DAB1: variants seen among roughly 807,000 people sequenced by gnomAD.
DAB1 encodes the protein DAB adaptor protein 1, also known as disabled homolog 1.
DAB1 carries 15 observed loss-of-function variants against 64.6 expected under a neutral mutation model. That is an observed-to-expected ratio of 0.23 (90% CI 0.16 to 0.36). DAB1 has a LOEUF of 0.36. DAB1 is among the 10% of genes least tolerant of loss of function. The pLI is 1.00. For missense variants in DAB1, 596 were observed against 706.7 expected (o/e 0.84, Z 1.78); for synonymous variants, 235 against 251.9 (o/e 0.93, Z 0.64).
chr1:57,626,367 G>A (rs1645923621), intron 7 of DAB1, among the ~76,000 whole-genome samples: 1 of 152,216 alleles, frequency 6.6e-6, no homozygotes, highest in African/African-American at 2.4e-5. Flanking sequence ...ATTACTAGAA[G>A]ATGACCATAC....
At chr1:58,478,409 GGTAA>G (rs1645441005) in intron 3 of DAB1, among the ~76,000 whole-genome samples, 1 of 152,010 alleles carries the variant, frequency 6.6e-6, no homozygotes, top group South Asian at 2.1e-4. Flanking sequence ...TTCAGTATAT[GGTAA>G]CAATTTTTAT....
chr1:57,155,486 T>C (rs1273011739), intron 2 of DAB1, among the ~76,000 whole-genome samples: 2 of 151,990 alleles, frequency 1.3e-5, no homozygotes, highest in Non-Finnish European at 2.9e-5. Context: ...TTTTTGTTTT[T>C]GTTTTTTTTT....
chr1:58,105,320 C>T (rs574738768), intron 5 of DAB1, among the ~76,000 whole-genome samples: 35 of 152,194 alleles, frequency 2.3e-4, no homozygotes, highest in East Asian at 7.7e-4. Flanking sequence ...AAACACTCAT[C>T]GGCACCCATT....
intron 4 of DAB1, among the ~76,000 whole-genome samples, chr1:57,103,601 G>T (rs144140011): frequency 1.3e-5 from 2 of 152,036 alleles, no homozygotes; most frequent in Admixed American, 6.5e-5. Context: ...GCCCAGGCAT[G>T]CTGGGGAGGA....
intron 6 of DAB1, among the ~76,000 whole-genome samples, chr1:57,658,096 G>A (rs543027835): frequency 6.6e-6 from 1 of 152,232 alleles, no homozygotes; most frequent in Non-Finnish European, 1.5e-5. Context: ...ATAGAGATAA[G>A]TACTGGCTGT....
chr1:57,812,769 T>G (rs562319758), intron 6 of DAB1, among the ~76,000 whole-genome samples: 48 of 152,258 alleles, frequency 3.2e-4, no homozygotes, highest in African/African-American at 1.2e-3. Flanking sequence ...CAGCAAAAGG[T>G]TTTCCTATTT....
At chr1:58,491,017 C>T (rs1645678118) in intron 3 of DAB1, among the ~76,000 whole-genome samples, 1 of 151,626 alleles carries the variant, frequency 6.6e-6, no homozygotes, top group African/African-American at 2.4e-5. Context: ...CCATGTTAGC[C>T]AGGATGGTCT....
chr1:58,103,301 A>G (rs1433773537), intron 5 of DAB1, among the ~76,000 whole-genome samples: 3 of 152,220 alleles, frequency 2.0e-5, no homozygotes, highest in African/African-American at 7.2e-5. Context: ...AGAGGATCCC[A>G]GTGATTATCT....
At chr1:57,237,277 T>G (rs1377315549) in intron 2 of DAB1, among the ~76,000 whole-genome samples, 2 of 152,208 alleles carry the variant, frequency 1.3e-5, no homozygotes, top group Non-Finnish European at 2.9e-5. Flanking sequence ...ACTGTCCAGA[T>G]AAAAGACAAC....
At chr1:58,312,450 A>AG (rs1308884343) in intron 4 of DAB1, among the ~76,000 whole-genome samples, 1 of 152,204 alleles carries the variant, frequency 6.6e-6, no homozygotes, top group Non-Finnish European at 1.5e-5. Flanking sequence ...TTCACAAGAC[A>AG]GAATAGAAAA....
chr1:57,441,437 T>C (rs1048058361), intron 7 of DAB1, among the ~76,000 whole-genome samples: 2 of 151,612 alleles, frequency 1.3e-5, no homozygotes, highest in Non-Finnish European at 2.9e-5. Context: ...CTCATTGCAC[T>C]CTCAACCTCC....
chr1:57,479,988 C>T (rs997298456), intron 7 of DAB1, among the ~76,000 whole-genome samples: 1 of 151,670 alleles, frequency 6.6e-6, no homozygotes, highest in African/African-American at 2.4e-5. Context: ...CCCGTCTCTA[C>T]TAAAAATACA....
At chr1:57,909,263 G>A (rs546071508) in intron 5 of DAB1, among the ~76,000 whole-genome samples, 6 of 152,274 alleles carry the variant, frequency 3.9e-5, no homozygotes, top group Admixed American at 1.3e-4. Flanking sequence ...TTCATAAAGC[G>A]AGGAATCATT....
intron 5 of DAB1, among the ~76,000 whole-genome samples, chr1:58,070,787 T>C (rs1305036398): frequency 6.8e-6 from 1 of 147,772 alleles, no homozygotes; most frequent in African/African-American, 2.5e-5. Flanking sequence ...GGAGGCAAGG[T>C]CACAGTCAGG....
intron 6 of DAB1, among the ~76,000 whole-genome samples, chr1:57,820,956 C>T (rs746935124): frequency 2.0e-5 from 3 of 152,104 alleles, no homozygotes; most frequent in South Asian, 4.2e-4. Context: ...CATTTCTGCT[C>T]GAGTTAAGTA....
chr1:57,715,326 T>C (rs1278314222), intron 6 of DAB1, among the ~76,000 whole-genome samples: 1 of 152,166 alleles, frequency 6.6e-6, no homozygotes, highest in Admixed American at 6.5e-5. Context: ...AACATCATAA[T>C]GAACAGGGAA....
At chr1:57,077,528 C>T (rs1229517306) in intron 4 of DAB1, among the ~76,000 whole-genome samples, 2 of 152,162 alleles carry the variant, frequency 1.3e-5, no homozygotes, top group Non-Finnish European at 1.5e-5. Context: ...ATAAATGATT[C>T]AGGTTAATTC....
rs139980854 is a variant in DAB1 at position 57,785,261 on chromosome 1, A to G, written n.551+98738T>C. Among the ~76,000 whole-genome samples the G allele has an allele frequency of 6.6e-5, 10 of 152,298 alleles. No homozygotes were observed. In the East Asian group the frequency reaches 1.9e-3, roughly 29 times the overall value. On this transcript the variant is annotated intron_variant and non_coding_transcript_variant, in intron 6 of 20. Transcript: ENST00000485760. ...TAGTCATCCAAGAACTCTGATGGATATGTGCAAGGAGATGAAAATTATTTT... is the reference window on the plus strand; with the variant it reads ...TAGTCATCCAAGAACTCTGATGGATGTGTGCAAGGAGATGAAAATTATTTT...
chr1:57,359,852 T>C (rs1380684218), intron 1 of DAB1, among the ~76,000 whole-genome samples: 1 of 152,010 alleles, frequency 6.6e-6, no homozygotes, highest in African/African-American at 2.4e-5. Flanking sequence ...ACAAATATTA[T>C]ATCCCCTCAC....
Sources: allele counts gnomAD v4.1 joint callset (sites outside exome capture counted in the v4.1 genomes callset), GRCh38; gene constraint gnomAD v4.1.1; transcripts MANE v1.5; gene names NCBI Gene and HGNC (gene_info 2026-07-23, HGNC 2026-07-21).